Variants in FAM220A observed in about 807,000 individuals in gnomAD.
The protein encoded by FAM220A is family with sequence similarity 220 member A.
For missense variants in FAM220A, 392 were observed against 321.6 expected, an observed-to-expected ratio of 1.22 and a Z score of -1.68; for synonymous variants, 141 against 130.7, an observed-to-expected ratio of 1.08 and a Z score of -0.54.
At chr7:6,343,423 T>C (rs1183028985) in intron 1 of FAM220A, among the ~76,000 whole-genome samples, 2 of 132,966 alleles carry the variant, frequency 1.5e-5, no homozygotes, top group Admixed American at 7.7e-5. Flanking sequence ...TATATATATA[T>C]ATATATATAT....
chr7:6,335,334 T>C (rs1781723561), intron 1 of FAM220A, among the ~76,000 whole-genome samples: 1 of 151,924 alleles, frequency 6.6e-6, no homozygotes, highest in Non-Finnish European at 1.5e-5. Flanking sequence ...GTGATTCTCC[T>C]GCCTCAACCT....
At chr7:6,344,478 A>C (rs909945174) in intron 1 of FAM220A, among the ~76,000 whole-genome samples, 1 of 152,022 alleles carries the variant, frequency 6.6e-6, no homozygotes, top group Non-Finnish European at 1.5e-5. Context: ...CCTGGAGTAC[A>C]GTGGTACAAT....
chr7:6,335,117 T>C (rs1426750031), intron 1 of FAM220A, among the ~76,000 whole-genome samples: 1 of 151,384 alleles, frequency 6.6e-6, no homozygotes, highest in Non-Finnish European at 1.5e-5. Flanking sequence ...GGCTGGACCG[T>C]AGTGGTGCAA....
intron 1 of FAM220A, among the ~76,000 whole-genome samples, chr7:6,337,214 G>C (rs748902045): frequency 6.6e-6 from 1 of 152,096 alleles, no homozygotes. Context: ...TGAGACTACA[G>C]GTGTATGCCA....
intron 1 of FAM220A, among the ~76,000 whole-genome samples, chr7:6,347,340 A>AC (rs1243917438): frequency 6.6e-6 from 1 of 151,438 alleles, no homozygotes; most frequent in Non-Finnish European, 1.5e-5. Context: ...CATGGTGAAA[A>AC]CCCAACTCTA....
chr7:6,341,988 G>C (rs561795499), intron 1 of FAM220A: 1 of 151,436 alleles, frequency 6.6e-6, no homozygotes, highest in South Asian at 2.1e-4. Flanking sequence ...ACAAGAACAA[G>C]ACTCCATCTC....
At chr7:6,335,285 C>T (rs1781722238) in intron 1 of FAM220A, among the ~76,000 whole-genome samples, 1 of 151,758 alleles carries the variant, frequency 6.6e-6, no homozygotes, top group South Asian at 2.1e-4. Context: ...GGCAATGGCA[C>T]AATCTCGGCT....
chr7:6,339,453 T>C (rs10281392), intron 1 of FAM220A, among the ~76,000 whole-genome samples: 76,676 of 151,696 alleles, frequency 0.51, 21,474 homozygotes, highest in East Asian at 0.88. Flanking sequence ...AAATAAATCA[T>C]CTGCCCCTAT....
rs1781597287 is a variant in FAM220A, at chr7:6,330,075, A to G, written c.*300T>C. 1 of 348,484 alleles carries G rather than the reference A, an allele frequency of 2.9e-6. No homozygotes were observed. The highest frequency in any genetic ancestry group is 3.8e-5 in the South Asian group (1 of 26,508). 21.6% of individuals were successfully genotyped at this position (348,484 alleles called of 1,614,324 possible). A position where few individuals can be genotyped will look rare whatever the true frequency, so the allele number is the denominator to read the frequency against. On this transcript the variant is annotated 3_prime_UTR_variant, in exon 2 of 2. Transcript: ENST00000313324. ...TAGCCCTTTAGAATGGATGTTGAAG[A>G]CAGAACTTCATGGTAAATCCGTATG...
Position 6,334,051 on chromosome 7 carries a change from T to C in FAM220A, c.-81-2816A>G, listed in dbSNP as rs180961587. Among the ~76,000 whole-genome samples, 1,064 of 151,062 alleles carry C rather than the reference T, an allele frequency of 7.0e-3. 15 individuals carry two copies. Among genetic ancestry groups the C allele is most frequent in the African/African-American group, 0.025 (1,013 of 41,266 alleles). On this transcript the variant is annotated intron_variant, in intron 1 of 1. Coordinates refer to ENST00000313324, the MANE Select transcript of FAM220A (RefSeq NM_001037163.2). ...TTAGTAGAGATGGGGTTTCACCATG[T>C]TAGCCAGGATGGAATCTATCTCCTG...
intron 1 of FAM220A, among the ~76,000 whole-genome samples, chr7:6,346,756 A>C (rs922272867): frequency 1.6e-4 from 24 of 152,288 alleles, no homozygotes; most frequent in Admixed American, 1.4e-3. Flanking sequence ...GTCAGGCACC[A>C]GCCACCTGAA....
intron 1 of FAM220A, 72 bp downstream of exon 1, chr7:6,348,501 T>A (rs1048131886): frequency 2.4e-6 from 1 of 411,828 alleles, no homozygotes; most frequent in Non-Finnish European, 4.3e-6. Flanking sequence ...GCAGCTGCCG[T>A]GGCGTCTGCA....
intron 1 of FAM220A, among the ~76,000 whole-genome samples, chr7:6,348,232 A>AGG (rs11408091): frequency 0.023 from 3,334 of 145,160 alleles, 71 homozygotes; most frequent in South Asian, 0.076. Context: ...ATTAAAAATA[A>AGG]GGGGGGGGGT....
chr7:6,342,824 G>A (rs968085461), intron 1 of FAM220A, among the ~76,000 whole-genome samples: 3 of 151,640 alleles, frequency 2.0e-5, no homozygotes, highest in Non-Finnish European at 2.9e-5. Context: ...ATTAGTTGAG[G>A]CCAGGAGTTC....
At chr7:6,340,137 G>A (rs575081124) in intron 1 of FAM220A, among the ~76,000 whole-genome samples, 10 of 150,792 alleles carry the variant, frequency 6.6e-5, no homozygotes, top group South Asian at 2.1e-4. Flanking sequence ...CGCCCGCCTC[G>A]GCCTCCCAAA....
In FAM220A at chr7:6,330,995, C is replaced by T; in HGVS notation, c.160G>A (p.Gly54Arg). ...PSWMNKPVVD[G>R]NSQSEALSLE... ...GATAATGCCTCACTTTGTGAATTTC[C>T]ATCAACCACAGGCTTATTCATCCAG... Residue 54 changes from glycine to arginine, a missense_variant, in exon 2 of 2, where the codon GGA becomes AGA. By Grantham distance (125) the Gly-to-Arg change is moderately radical (BLOSUM62 -2). Transcript: ENST00000313324. The T allele has an allele frequency of 6.2e-7, 1 of 1,614,224 alleles. No homozygotes were observed. Among genetic ancestry groups the T allele is most frequent in the Admixed American group, 1.7e-5 (1 of 60,018 alleles).
At position 6,339,833 on chromosome 7, in the gene FAM220A, G is replaced by A. The variant is rs75746016; in HGVS notation, c.-81-8598C>T. On this transcript the variant is annotated intron_variant, in intron 1 of 1. Coordinates refer to ENST00000313324, the MANE Select transcript of FAM220A (RefSeq NM_001037163.2). ...CGGTCCCCTGGATGCTCACAGGTGC[G>A]ATCACAAGGAGAGGAGAGTGTGCAG... is the stretch of plus-strand genomic sequence containing the variant. Among the ~76,000 whole-genome samples, 763 of 151,832 alleles carry A rather than the reference G, an allele frequency of 5.0e-3. 30 individuals are homozygous for A. The East Asian group carries it at 0.1, about 20-fold the overall frequency.
chr7:6,331,659 C>T (rs1781638791), intron 1 of FAM220A, among the ~76,000 whole-genome samples: 1 of 151,160 alleles, frequency 6.6e-6, no homozygotes, highest in Admixed American at 6.6e-5. Flanking sequence ...GGATTACAGG[C>T]GTGAGCCACC....
Position 6,330,207 on chromosome 7 carries a change from G to C in FAM220A, c.*168C>G. 1 of 673,990 alleles carries C rather than the reference G, an allele frequency of 1.5e-6. No homozygotes were observed. Among genetic ancestry groups the C allele is most frequent in the South Asian group, 2.1e-5 (1 of 47,414 alleles). The allele number at this position is 673,990 out of a possible 1,614,324, so 41.8% of individuals were successfully genotyped here. On this transcript the variant is annotated 3_prime_UTR_variant, in exon 2 of 2. Coordinates refer to ENST00000313324, the MANE Select transcript of FAM220A (RefSeq NM_001037163.2). Reference sequence around the variant, plus strand: ...AACACATGCCAAAAAAGTTCCTTCCGCATCAACTGGCTTTGAATTTAAACT... The same window carrying C: ...AACACATGCCAAAAAAGTTCCTTCCCCATCAACTGGCTTTGAATTTAAACT...
Sources: allele counts gnomAD v4.1 joint callset (sites outside exome capture counted in the v4.1 genomes callset), GRCh38; gene constraint gnomAD v4.1.1; transcripts MANE v1.5; gene names NCBI Gene and HGNC (gene_info 2026-07-23, HGNC 2026-07-21).